The following GPLD1 variants were observed in gnomAD, a reference collection of about 807,000 sequenced individuals.
The protein encoded by GPLD1 is phosphatidylinositol-glycan-specific phospholipase D.
GPLD1 carries 84 observed loss-of-function variants against 112.6 expected under a neutral mutation model. The ratio of observed to expected loss-of-function variants is 0.75; its 90% CI spans 0.63 to 0.89. The LOEUF (loss-of-function observed/expected upper bound fraction) is 0.89, where lower values mean the gene tolerates loss of function less well. Among genes scored for constraint, GPLD1 ranks in the 40% least tolerant of loss-of-function variants. The pLI is 0.00. For synonymous variants in GPLD1, 386 were observed against 403.8 expected, an observed-to-expected ratio of 0.96 and a Z score of 0.53; for missense variants, 1,044 against 1,051.5, an observed-to-expected ratio of 0.99 and a Z score of 0.10.
intron 12 of GPLD1, among the ~76,000 whole-genome samples, chr6:24,459,265 G>GT (rs1763359454): frequency 2.0e-5 from 3 of 150,890 alleles, no homozygotes; most frequent in Non-Finnish European, 4.4e-5. Context: ...TTTTTGTTTT[G>GT]TTTTTTGAGA....
chr6:24,493,057 G>A (rs994129447), upstream of GPLD1, among the ~76,000 whole-genome samples: 1 of 152,158 alleles, frequency 6.6e-6, no homozygotes, highest in African/African-American at 2.4e-5. Flanking sequence ...AGTCATCTGG[G>A]AAAGGGAGTG....
intron 24 of GPLD1, among the ~76,000 whole-genome samples, chr6:24,430,927 C>A (rs1762381228): frequency 6.7e-6 from 1 of 148,928 alleles, no homozygotes; most frequent in Admixed American, 6.6e-5. Flanking sequence ...ATATAAGTTA[C>A]TTTTAGATTA....
intron 20 of GPLD1, among the ~76,000 whole-genome samples, chr6:24,438,350 T>C (rs887051280): frequency 9.2e-5 from 14 of 152,304 alleles, no homozygotes; most frequent in African/African-American, 3.4e-4. Context: ...ACAGCTTTGA[T>C]TTCAGAAATA....
At chr6:24,441,280 C>T (rs1762738761) in intron 20 of GPLD1, among the ~76,000 whole-genome samples, 1 of 150,166 alleles carries the variant, frequency 6.7e-6, no homozygotes, top group Non-Finnish European at 1.5e-5. Flanking sequence ...ACATTCCAGC[C>T]TGGGCAAGAG....
At chr6:24,467,047 G>A in intron 8 of GPLD1, 108 bp from the exon 9 acceptor site, 1 of 1,111,104 alleles carries the variant, frequency 9.0e-7, no homozygotes, top group Non-Finnish European at 1.4e-6. Flanking sequence ...TCATGCAACT[G>A]CCTTTGAATA....
chr6:24,441,948 TTA>T (rs1364793199), intron 20 of GPLD1, among the ~76,000 whole-genome samples: 1 of 148,960 alleles, frequency 6.7e-6, no homozygotes, highest in Non-Finnish European at 1.5e-5. Flanking sequence ...TAATTCATAT[TTA>T]TATATAATAT....
chr6:24,434,524 C>G (rs1331325605), intron 22 of GPLD1, among the ~76,000 whole-genome samples: 1 of 150,218 alleles, frequency 6.7e-6, no homozygotes, highest in East Asian at 1.9e-4. Flanking sequence ...GTTCAAATCT[C>G]TGTTGTGCCC....
Position 24,433,186 on chromosome 6 carries a change from C to T in GPLD1, c.2436+1G>A, listed in dbSNP as rs759402854. ...CAATGAAGTTCAGTCCTTGGGCTCA[C>T]CTTTGCCTTGGACCTCACGGTGATG... On this transcript the variant is annotated splice_donor_variant, in intron 24 of 24. Transcript: ENST00000230036. LOFTEE classifies it high-confidence loss of function. The T allele has an allele frequency of 8.1e-6, 13 of 1,608,008 alleles. No individual in the cohort carries two copies.
intron 20 of GPLD1, among the ~76,000 whole-genome samples, chr6:24,445,052 A>C (rs190689399): frequency 1.3e-4 from 19 of 151,812 alleles, no homozygotes; most frequent in African/African-American, 4.6e-4. Flanking sequence ...TTTTGAGATG[A>C]AGTCTTGCTC....
At chr6:24,495,070 G>C (rs1457708018) in exon 1 of GPLD1, 1 of 1,328,544 alleles carries the variant, frequency 7.5e-7, no homozygotes, top group South Asian at 2.2e-5. Flanking sequence ...TGCCGCCTCC[G>C]CCCCCGCGCC....
At chr6:24,490,884 G>A (rs999715351), upstream of GPLD1, among the ~76,000 whole-genome samples, 1 of 152,130 alleles carries the variant, frequency 6.6e-6, no homozygotes, top group African/African-American at 2.4e-5. Flanking sequence ...GCTACCCCCA[G>A]ACCTGAGGGG....
rs1026632145 is a variant in GPLD1 at position 24,447,209 on chromosome 6, T to C, written c.1679-230A>G. On this transcript the variant is annotated intron_variant, in intron 17 of 24. Coordinates refer to ENST00000230036, the MANE Select transcript of GPLD1 (RefSeq NM_001503.4). ...CACTTCTGTGGAGCAGAGGATGCTA[T>C]TTAAAAAGGCTCTGGGCCAGGTGCG... Among the ~76,000 whole-genome samples the C allele has an allele frequency of 2.6e-5, 4 of 152,088 alleles. No individual in the cohort carries two copies. In the South Asian group the frequency reaches 8.3e-4, roughly 32 times the overall value.
chr6:24,437,917 C>T (rs935472007), intron 20 of GPLD1, among the ~76,000 whole-genome samples: 2 of 152,106 alleles, frequency 1.3e-5, no homozygotes, highest in Non-Finnish European at 2.9e-5. Flanking sequence ...GAGAAGAGGC[C>T]GCTTCCCTGT....
intron 3 of GPLD1, among the ~76,000 whole-genome samples, chr6:24,477,059 G>T (rs1764045932): frequency 6.6e-6 from 1 of 151,624 alleles, no homozygotes; most frequent in African/African-American, 2.4e-5. Context: ...TTAGAATCAA[G>T]ACATTTGATT....
intron 20 of GPLD1, 117 bp downstream of exon 20, chr6:24,445,429 A>T: frequency 1.5e-6 from 1 of 673,006 alleles, no homozygotes; most frequent in Non-Finnish European, 2.6e-6. Flanking sequence ...TAATGAAAAA[A>T]GGAAATATTG....
chr6:24,483,461 T>C (rs1417266179), intron 2 of GPLD1, among the ~76,000 whole-genome samples: 4 of 151,488 alleles, frequency 2.6e-5, no homozygotes, highest in Non-Finnish European at 5.9e-5. Context: ...GGTGGATCAC[T>C]TGAGGTCAGG....
intron 12 of GPLD1, 115 bp downstream of exon 12, chr6:24,460,164 C>T: frequency 2.4e-6 from 3 of 1,240,860 alleles, no homozygotes; most frequent in African/African-American, 1.5e-5. Context: ...TCCCAGCCAC[C>T]ACATCCCACC....
At chr6:24,458,216 G>A (rs974132416) in intron 12 of GPLD1, among the ~76,000 whole-genome samples, 3 of 151,990 alleles carry the variant, frequency 2.0e-5, no homozygotes, top group Non-Finnish European at 4.4e-5. Flanking sequence ...CATGAAGGCA[G>A]CCCAGATGGC....
intron 1 of GPLD1, among the ~76,000 whole-genome samples, chr6:24,488,002 T>C (rs1023130257): frequency 2.6e-5 from 4 of 152,186 alleles, no homozygotes; most frequent in African/African-American, 9.7e-5. Flanking sequence ...GCTCAGTATA[T>C]ATGTCTATTT....
Sources: gnomAD v4.1 joint callset for allele counts (sites outside exome capture counted in the v4.1 genomes callset) on GRCh38, gnomAD v4.1.1 for gene constraint, MANE v1.5 for transcripts, NCBI Gene and HGNC (gene_info 2026-07-23, HGNC 2026-07-21) for gene names.